Variants in PPIL3 observed in about 807,000 individuals in gnomAD.
PPIL3 encodes the protein peptidylprolyl isomerase like 3, also known as peptidyl-prolyl cis-trans isomerase-like 3.
In PPIL3, 13 loss-of-function variants were observed where a neutral mutation model predicts 20.9. That is an observed-to-expected ratio of 0.62 (90% CI 0.40 to 0.99). The LOEUF is 0.99. Ranked by LOEUF, PPIL3 falls within the 50% of genes least tolerant of loss-of-function variation. PPIL3 has a pLI of 0.00. For synonymous variants in PPIL3, 71 were observed against 64.4 expected (o/e 1.10, Z -0.49); for missense variants, 170 against 195.2 (o/e 0.87, Z 0.77).
Position 200,879,151 on chromosome 2 carries a change from C to G in PPIL3, c.241-2114G>C, listed in dbSNP as rs1330887385. On this transcript the variant is annotated intron_variant, in intron 5 of 6. Coordinates refer to ENST00000392283, the MANE Select transcript of PPIL3 (RefSeq NM_130906.3). ...TTTTTTTTTTTTAGACGGAGTCTCGCTCTGTCGCCCAGACTGGAGTGCAGC... is the reference window on the plus strand; with the variant it reads ...TTTTTTTTTTTTAGACGGAGTCTCGGTCTGTCGCCCAGACTGGAGTGCAGC... Among the ~76,000 whole-genome samples the G allele has an allele frequency of 1.2e-4, 18 of 151,902 alleles. 1 individual carries two copies. Among genetic ancestry groups the G allele is most frequent in the Admixed American group, 1.2e-3 (18 of 15,258 alleles).
chr2:200,884,689 G>A (rs868594703), intron 3 of PPIL3, among the ~76,000 whole-genome samples: 5 of 151,638 alleles, frequency 3.3e-5, no homozygotes, highest in African/African-American at 1.2e-4. Context: ...GCAATGAGCC[G>A]TGATTGCACC....
Position 200,887,602 on chromosome 2 carries a change from T to A in PPIL3, c.3+11A>T, listed in dbSNP as rs773488354. 1 of 1,598,586 alleles carries A rather than the reference T, an allele frequency of 6.3e-7. No individual in the cohort carries two copies. The highest frequency in any genetic ancestry group is 2.2e-5 in the East Asian group (1 of 44,706). Reference sequence around the variant, plus strand: ...ATGAAAGACATTAGATAAAAATTGCTCAAAACTTACCATTTTTCCTCTTAG... The same window carrying A: ...ATGAAAGACATTAGATAAAAATTGCACAAAACTTACCATTTTTCCTCTTAG... On this transcript the variant is annotated intron_variant, in intron 2 of 6. Transcript: ENST00000392283.
At position 200,881,411 on chromosome 2, in the gene PPIL3, G is replaced by A. The variant is rs750443937; in HGVS notation, c.240+10C>T. 2 of 1,602,274 alleles carry A rather than the reference G, an allele frequency of 1.2e-6. No individual in the cohort carries two copies. Among genetic ancestry groups the A allele is most frequent in the Non-Finnish European group, 1.7e-6 (2 of 1,173,908 alleles). The stretch of plus-strand genomic sequence containing the variant: ...ATGAGAAATAGATTTTTAAAGCATT[G>A]AGGATTTACCTTAAGATATTCACTG... On this transcript the variant is annotated intron_variant, in intron 5 of 6. Transcript: ENST00000392283.
chr2:200,875,280 T>C (rs2039466842), intron 6 of PPIL3, among the ~76,000 whole-genome samples: 1 of 152,174 alleles, frequency 6.6e-6, no homozygotes, highest in African/African-American at 2.4e-5. Flanking sequence ...GAAAGTTTTT[T>C]TTTTTTGAGA....
At chr2:200,881,573 T>C in intron 4 of PPIL3, 85 bp from the exon 5 acceptor site, 2 of 1,112,022 alleles carry the variant, frequency 1.8e-6, no homozygotes, top group African/African-American at 1.6e-5. Flanking sequence ...GAATACTTTA[T>C]AGTTTGACTG....
intron 5 of PPIL3, among the ~76,000 whole-genome samples, chr2:200,881,081 C>T (rs1400386559): frequency 1.3e-5 from 2 of 152,116 alleles, no homozygotes; most frequent in Non-Finnish European, 2.9e-5. Flanking sequence ...CTTTCCTCCC[C>T]ACTCTCAAAA....
At chr2:200,874,465 G>A (rs530550475) in intron 6 of PPIL3, among the ~76,000 whole-genome samples, 6 of 152,164 alleles carry the variant, frequency 3.9e-5, no homozygotes, top group African/African-American at 1.4e-4. Flanking sequence ...TATGGGAAAC[G>A]GACCCCTTGG....
chr2:200,888,873 C>A, intron 1 of PPIL3, 83 bp downstream of exon 1: 1 of 467,880 alleles, frequency 2.1e-6, no homozygotes, highest in South Asian at 1.6e-5. Flanking sequence ...CTCGCAGTAT[C>A]CCAAGAACTA....
At chr2:200,874,553 G>T (rs1456588454) in intron 6 of PPIL3, among the ~76,000 whole-genome samples, 1 of 152,148 alleles carries the variant, frequency 6.6e-6, no homozygotes, top group Non-Finnish European at 1.5e-5. Context: ...AGGAATTAAT[G>T]AACCTAAGGT....
At chr2:200,889,087 G>A, upstream of PPIL3, 1 of 470,070 alleles carries the variant, frequency 2.1e-6, no homozygotes, top group South Asian at 1.5e-5. Flanking sequence ...CGGGACCCAA[G>A]AGAGAGAACG....
intron 1 of PPIL3, 92 bp from the exon 2 acceptor site, chr2:200,887,777 C>A: frequency 1.9e-6 from 1 of 517,546 alleles, no homozygotes; most frequent in Non-Finnish European, 3.3e-6. Context: ...AAAAACCTCG[C>A]CGGGCGTGGT....
intron 3 of PPIL3, 168 bp downstream of exon 3, chr2:200,885,530 A>C: frequency 1.7e-6 from 1 of 590,192 alleles, no homozygotes; most frequent in Non-Finnish European, 3.0e-6. Flanking sequence ...TCCACCTTTG[A>C]CATTGGACAA....
At chr2:200,877,120 T>C in intron 5 of PPIL3, 83 bp from the exon 6 acceptor site, 1 of 933,434 alleles carries the variant, frequency 1.1e-6, no homozygotes, top group Non-Finnish European at 1.7e-6. Context: ...GGCACACCTT[T>C]GTTTTCTTTT....
At chr2:200,883,342 C>T (rs970661977) in intron 3 of PPIL3, among the ~76,000 whole-genome samples, 1 of 151,844 alleles carries the variant, frequency 6.6e-6, no homozygotes, top group Admixed American at 6.6e-5. Context: ...TGGAGATGCC[C>T]TCATACCTTT....
At chr2:200,876,684 A>AT (rs1176399499) in intron 6 of PPIL3, among the ~76,000 whole-genome samples, 3 of 151,882 alleles carry the variant, frequency 2.0e-5, no homozygotes, top group African/African-American at 7.3e-5. Flanking sequence ...CATCCAACTA[A>AT]TTTTTTAAAA....
At chr2:200,875,582 T>TA (rs1471520982) in intron 6 of PPIL3, among the ~76,000 whole-genome samples, 1 of 140,948 alleles carries the variant, frequency 7.1e-6, no homozygotes, top group Non-Finnish European at 1.5e-5. Context: ...TTTTTCTATC[T>TA]TTTTTTTTTT....
At chr2:200,878,876 A>C (rs2039613962) in intron 5 of PPIL3, among the ~76,000 whole-genome samples, 1 of 152,166 alleles carries the variant, frequency 6.6e-6, no homozygotes, top group Non-Finnish European at 1.5e-5. Flanking sequence ...GTGATATTTC[A>C]CTACTGAATA....
At chr2:200,885,925 A>G (rs1301287239) in intron 2 of PPIL3, among the ~76,000 whole-genome samples, 153 bp from the exon 3 acceptor site, 1 of 150,712 alleles carries the variant, frequency 6.6e-6, no homozygotes, top group Non-Finnish European at 1.5e-5. Context: ...AGCAGCTCTT[A>G]GAGGTTAAGT....
chr2:200,886,645 C>G (rs1244028719), intron 2 of PPIL3, among the ~76,000 whole-genome samples: 1 of 152,114 alleles, frequency 6.6e-6, no homozygotes, highest in African/African-American at 2.4e-5. Context: ...AGGCTGGTCT[C>G]GAACTCCTGA....
Sources: gnomAD v4.1 joint callset for allele counts (sites outside exome capture counted in the v4.1 genomes callset) on GRCh38, gnomAD v4.1.1 for gene constraint, MANE v1.5 for transcripts, NCBI Gene and HGNC (gene_info 2026-07-23, HGNC 2026-07-21) for gene names.